The following SLC71A2 variants were observed in gnomAD, a reference collection of about 807,000 sequenced individuals.
The protein encoded by SLC71A2 is hippocampus abundant transcript-like 1.
the SLC71A2 span, among the ~76,000 whole-genome samples, chr9:94,436,561 C>G: frequency 6.6e-6 from 1 of 152,178 alleles, no homozygotes; most frequent in African/African-American, 2.4e-5. Context: ...AGGAAGCTCT[C>G]TTCTTTCATT....
the SLC71A2 span, chr9:94,458,609 G>A: frequency 9.6e-5 from 73 of 761,334 alleles, no homozygotes; most frequent in African/African-American, 1.1e-3. Flanking sequence ...ATTGCTTCTC[G>A]GGATCAGGGA....
At chr9:94,404,381 C>T in the SLC71A2 span, among the ~76,000 whole-genome samples, 72,170 of 151,748 alleles carry the variant, frequency 0.48, 17,425 homozygotes, top group East Asian at 0.59. Flanking sequence ...CTGCAAACTC[C>T]GCCTCCCGGA....
chr9:94,410,709 A>G, the SLC71A2 span, among the ~76,000 whole-genome samples: 2 of 152,220 alleles, frequency 1.3e-5, no homozygotes, highest in African/African-American at 4.8e-5. Flanking sequence ...CATTGGGAGT[A>G]AGGGAAATAC....
the SLC71A2 span, chr9:94,459,417 G>A: frequency 8.7e-5 from 140 of 1,613,024 alleles, no homozygotes; most frequent in East Asian, 7.1e-4. Flanking sequence ...CTGTAAACTC[G>A]GCAGAAAGTG....
chr9:94,440,763 T>G, the SLC71A2 span, among the ~76,000 whole-genome samples: 4 of 152,186 alleles, frequency 2.6e-5, no homozygotes, highest in African/African-American at 9.7e-5. Context: ...CTTTTGTTTT[T>G]TTAGGGGGCA....
At chr9:94,446,738 C>G in the SLC71A2 span, 1 of 683,326 alleles carries the variant, frequency 1.5e-6, no homozygotes, top group South Asian at 2.0e-5. Flanking sequence ...CTTAATAGAT[C>G]AAAATAATGA....
the SLC71A2 span, among the ~76,000 whole-genome samples, chr9:94,434,820 G>A: frequency 1.3e-5 from 2 of 152,198 alleles, no homozygotes; most frequent in Non-Finnish European, 2.9e-5. Context: ...TAAATTGAGA[G>A]AGAAAGATAA....
chr9:94,419,218 A>G, the SLC71A2 span, among the ~76,000 whole-genome samples: 46 of 151,482 alleles, frequency 3.0e-4, no homozygotes, highest in Non-Finnish European at 5.7e-4. Context: ...GGCTCAAGCA[A>G]TTGTCCTGCT....
At chr9:94,415,034 T>G in the SLC71A2 span, 5 of 669,794 alleles carry the variant, frequency 7.5e-6, no homozygotes, top group Non-Finnish European at 1.0e-5. Flanking sequence ...GAAGTTTTAT[T>G]TTAAATGACA....
chr9:94,451,360 T>C, the SLC71A2 span: 1 of 590,288 alleles, frequency 1.7e-6, no homozygotes, highest in Non-Finnish European at 2.7e-6. Context: ...ACTGGTTTTA[T>C]GAATTTTCCT....
the SLC71A2 span, among the ~76,000 whole-genome samples, chr9:94,452,650 T>TATATATTCATATATATTCATATATATTC: frequency 2.7e-5 from 3 of 109,388 alleles, no homozygotes; most frequent in South Asian, 7.3e-4. Context: ...TATATATTCA[T>TATATATTCATATATATTCATATATATTC]ATATATTCAT....
chr9:94,380,123 C>T, the SLC71A2 span, among the ~76,000 whole-genome samples: 2 of 152,112 alleles, frequency 1.3e-5, no homozygotes, highest in Non-Finnish European at 2.9e-5. Flanking sequence ...AAAAATTAGC[C>T]AGGCGTGGTG....
the SLC71A2 span, among the ~76,000 whole-genome samples, chr9:94,383,203 C>G: frequency 7.5e-6 from 1 of 133,708 alleles, no homozygotes; most frequent in South Asian, 2.4e-4. Context: ...TGTCCCATCG[C>G]CCATGCTAGA....
chr9:94,418,293 GTTTC>G, the SLC71A2 span, among the ~76,000 whole-genome samples: 14 of 152,252 alleles, frequency 9.2e-5, no homozygotes, highest in African/African-American at 2.4e-4. Context: ...CAAGGTTACT[GTTTC>G]TTTCTTTGTT....
chr9:94,446,581 G>C, the SLC71A2 span, among the ~76,000 whole-genome samples: 5 of 152,130 alleles, frequency 3.3e-5, no homozygotes, highest in African/African-American at 1.2e-4. Context: ...ACAAAGATGA[G>C]TAAGTGTGTT....
the SLC71A2 span, among the ~76,000 whole-genome samples, chr9:94,446,273 C>T: frequency 0.011 from 1,673 of 152,318 alleles, 18 homozygotes; most frequent in Non-Finnish European, 0.015. Flanking sequence ...ATTCAACAAT[C>T]CAATGTATGT....
the SLC71A2 span, among the ~76,000 whole-genome samples, chr9:94,443,684 TAG>T: frequency 5.3e-5 from 8 of 152,200 alleles, no homozygotes; most frequent in Admixed American, 2.6e-4. Context: ...ACATTTTGCA[TAG>T]AGTTTCATGA....
At chr9:94,429,131 A>G in the SLC71A2 span, 1 of 1,600,982 alleles carries the variant, frequency 6.2e-7, no homozygotes, top group Non-Finnish European at 8.5e-7. Context: ...AAAGAGGCAG[A>G]AAATTTTTCC....
the SLC71A2 span, chr9:94,446,838 G>A: frequency 6.2e-7 from 1 of 1,600,044 alleles, no homozygotes; most frequent in Non-Finnish European, 8.6e-7. Context: ...GAAGAAAGTT[G>A]GAAAAGATTC....
Sources: allele counts gnomAD v4.1 joint callset (sites outside exome capture counted in the v4.1 genomes callset), GRCh38; gene constraint gnomAD v4.1.1; transcripts MANE v1.5; gene names NCBI Gene and HGNC (gene_info 2026-07-23, HGNC 2026-07-21).